Variants in GLYATL3 observed in about 807,000 individuals in gnomAD.
The protein encoded by GLYATL3 is glycine-N-acyltransferase like 3, also known as glycine N-acyltransferase-like protein 3.
A neutral mutation model predicts 28.5 loss-of-function variants in GLYATL3; 31 were observed. The observed-to-expected ratio is 1.09, with a 90% confidence interval of 0.82 to 1.47. The LOEUF (loss-of-function observed/expected upper bound fraction) is 1.47. Among genes scored for constraint, GLYATL3 ranks in the 40% most tolerant of loss-of-function variants. GLYATL3 has a pLI of 0.00. For synonymous variants in GLYATL3, 141 were observed against 140.2 expected (o/e 1.01, Z -0.04); for missense variants, 369 against 351.5 (o/e 1.05, Z -0.40).
intron 1 of GLYATL3, among the ~76,000 whole-genome samples, chr6:49,510,041 T>G (rs539870893): frequency 6.8e-6 from 1 of 148,092 alleles, no homozygotes; most frequent in East Asian, 2.0e-4. Flanking sequence ...TTTATTTATT[T>G]ATTTATTTTT....
intron 2 of GLYATL3, among the ~76,000 whole-genome samples, 157 bp downstream of exon 2, chr6:49,512,225 A>C: frequency 6.7e-6 from 1 of 149,506 alleles, no homozygotes. Flanking sequence ...CTAGAGACAG[A>C]TTGAATAGAC....
At chr6:49,500,369 A>C (rs1412695159) in intron 1 of GLYATL3, among the ~76,000 whole-genome samples, 1 of 152,146 alleles carries the variant, frequency 6.6e-6, no homozygotes, top group African/African-American at 2.4e-5. Flanking sequence ...ACATATGAAA[A>C]ATAATTACTA....
rs1769421487 is a variant in GLYATL3 at position 49,526,625 on chromosome 6, T to G, written c.578T>G (p.Val193Gly). Residue 193 changes from valine (V) to glycine (G), a missense_variant, in exon 6 of 6, where the codon GTC becomes GGC. Coordinates refer to ENST00000371197, the MANE Select transcript of GLYATL3 (RefSeq NM_001010904.2). Reference sequence around the variant, plus strand: ...ATCTCCTGCTTCCCTAGTGTGTGTGTCCGGGATGAGAAGGGAAACCCGGTC... The same window carrying G: ...ATCTCCTGCTTCCCTAGTGTGTGTGGCCGGGATGAGAAGGGAAACCCGGTC... ...NLISCFPSVC[V>G]RDEKGNPVSW... 1 of 1,551,812 alleles carries G rather than the reference T, an allele frequency of 6.4e-7. No individual in the cohort carries two copies. Among genetic ancestry groups the G allele is most frequent in the Admixed American group, 2.0e-5 (1 of 50,972 alleles).
chr6:49,523,479 A>C (rs1769350792), intron 5 of GLYATL3, among the ~76,000 whole-genome samples: 1 of 152,226 alleles, frequency 6.6e-6, no homozygotes, highest in Non-Finnish European at 1.5e-5. Context: ...AATGTTCAGC[A>C]AAACCCACAC....
intron 1 of GLYATL3, among the ~76,000 whole-genome samples, chr6:49,504,819 C>T (rs961781626): frequency 6.6e-6 from 1 of 152,092 alleles, no homozygotes; most frequent in African/African-American, 2.4e-5. Flanking sequence ...AACATGAAAA[C>T]ATATGTTTTT....
intron 1 of GLYATL3, among the ~76,000 whole-genome samples, chr6:49,500,506 G>T (rs781335482): frequency 6.6e-6 from 1 of 152,094 alleles, no homozygotes; most frequent in Non-Finnish European, 1.5e-5. Flanking sequence ...AGACTTAAAA[G>T]TCTCCCAGGA....
chr6:49,524,511 T>G (rs567274734), intron 5 of GLYATL3, among the ~76,000 whole-genome samples: 1 of 152,308 alleles, frequency 6.6e-6, no homozygotes, highest in African/African-American at 2.4e-5. Context: ...TTTGAGAAAT[T>G]GCAGCAATTC....
chr6:49,508,745 T>C (rs1769062380), intron 1 of GLYATL3, among the ~76,000 whole-genome samples: 1 of 152,156 alleles, frequency 6.6e-6, no homozygotes, highest in Non-Finnish European at 1.5e-5. Flanking sequence ...CAACCTGGCA[T>C]TGTCTTTACA....
intron 5 of GLYATL3, among the ~76,000 whole-genome samples, chr6:49,522,825 T>C (rs1414714111): frequency 6.6e-6 from 1 of 152,190 alleles, no homozygotes; most frequent in Non-Finnish European, 1.5e-5. Flanking sequence ...CAAACACACA[T>C]AAATGTTTAA....
chr6:49,517,690 C>A, intron 4 of GLYATL3, 134 bp downstream of exon 4: 1 of 557,022 alleles, frequency 1.8e-6, no homozygotes, highest in Non-Finnish European at 2.9e-6. Flanking sequence ...TAAATACATA[C>A]ACATACATTT....
intron 4 of GLYATL3, among the ~76,000 whole-genome samples, chr6:49,520,708 C>T (rs1404539907): frequency 6.6e-6 from 1 of 152,186 alleles, no homozygotes; most frequent in East Asian, 1.9e-4. Flanking sequence ...CATACTATAA[C>T]CTCTCTAAGA....
At chr6:49,504,781 C>A (rs550448321) in intron 1 of GLYATL3, among the ~76,000 whole-genome samples, 1 of 151,960 alleles carries the variant, frequency 6.6e-6, no homozygotes, top group African/African-American at 2.4e-5. Flanking sequence ...GTCTGTTTTG[C>A]GCTCACTAAG....
rs143631548 is a variant in GLYATL3, at chr6:49,505,100, T to C, written c.-29+5058T>C. On this transcript the variant is annotated intron_variant, in intron 1 of 5. Transcript: ENST00000371197. ...TTATGTTTAAGACCTGAGGCATTAG[T>C]ATGAGTGAGTTGATGAAATTGTTCT... Among the ~76,000 whole-genome samples the C allele has an allele frequency of 5.7e-3, 863 of 152,290 alleles. 5 individuals carry two copies. Among genetic ancestry groups the C allele is most frequent in the African/African-American group, 0.019 (770 of 41,558 alleles).
chr6:49,502,220 T>C lies in GLYATL3; in HGVS notation c.-29+2178T>C, dbSNP rs1768927143. Among the ~76,000 whole-genome samples, 5 of 152,326 alleles carry C rather than the reference T, an allele frequency of 3.3e-5. No individual in the cohort carries two copies. In the South Asian group the frequency reaches 1.0e-3, roughly 32 times the overall value. On this transcript the variant is annotated intron_variant, in intron 1 of 5. Transcript: ENST00000371197. ...AGAATATTTTTTCCAATTTTGTATA[T>C]GAACAATAAACCAATAGCACAAATT...
chr6:49,503,884 T>C (rs1365985933), intron 1 of GLYATL3, among the ~76,000 whole-genome samples: 2 of 152,158 alleles, frequency 1.3e-5, no homozygotes, highest in East Asian at 3.9e-4. Flanking sequence ...GGCACAAAGG[T>C]GGATACCTAA....
chr6:49,517,626 T>C (rs763367262), intron 4 of GLYATL3, 70 bp downstream of exon 4: 23 of 1,123,474 alleles, frequency 2.0e-5, no homozygotes, highest in African/African-American at 3.2e-5. Flanking sequence ...CAGATAGTTA[T>C]AGATATTTCA....
At chr6:49,521,510 T>C in intron 4 of GLYATL3, 135 bp from the exon 5 acceptor site, 1 of 650,598 alleles carries the variant, frequency 1.5e-6, no homozygotes, top group Non-Finnish European at 2.5e-6. Flanking sequence ...GATGTAAGTA[T>C]ACAGTGGTTA....
Position 49,526,834 on chromosome 6 carries a change from C to G in GLYATL3, c.787C>G (p.Leu263Val). The part of the protein sequence containing the change: ...NTASISLLKS[L>V]HAEFLPCRFH... Reference sequence around the variant, plus strand: ...GGCGTCTATAAGCCTCCTGAAGAGTCTCCATGCTGAGTTCTTGCCTTGTCG... The same window carrying G: ...GGCGTCTATAAGCCTCCTGAAGAGTGTCCATGCTGAGTTCTTGCCTTGTCG... The change falls in exon 6 of 6, where the codon CTC (leucine) becomes GTC (valine). Residue 263 changes from leucine to valine, a missense_variant. Leu to Val is a conservative substitution (Grantham distance 32). Transcript: ENST00000371197. The G allele has an allele frequency of 6.4e-7, 1 of 1,552,168 alleles. No homozygotes were observed. The highest frequency in any genetic ancestry group is 8.7e-7 in the Non-Finnish European group (1 of 1,147,062).
At chr6:49,513,276 T>C (rs1769155043) in intron 2 of GLYATL3, among the ~76,000 whole-genome samples, 1 of 152,178 alleles carries the variant, frequency 6.6e-6, no homozygotes, top group Non-Finnish European at 1.5e-5. Flanking sequence ...CCTTCCAAAG[T>C]TCCTTCATAA....
Sources: gnomAD v4.1 joint callset for allele counts (sites outside exome capture counted in the v4.1 genomes callset) on GRCh38, gnomAD v4.1.1 for gene constraint, MANE v1.5 for transcripts, NCBI Gene and HGNC (gene_info 2026-07-23, HGNC 2026-07-21) for gene names.